The following RAB8A variants were observed in gnomAD, a reference collection of about 807,000 sequenced individuals.
RAB8A encodes ras-related protein Rab-8A.
RAB8A carries 5 observed loss-of-function variants against 29.2 expected under a neutral mutation model. The observed-to-expected ratio is 0.17, with a 90% confidence interval of 0.09 to 0.36. RAB8A has a LOEUF of 0.36. Ranked by LOEUF, RAB8A falls within the 10% of genes least tolerant of loss-of-function variation. The pLI is 1.00. For missense variants in RAB8A, 171 were observed against 272.2 expected, an observed-to-expected ratio of 0.63 and a Z score of 2.62; for synonymous variants, 108 against 99.9, an observed-to-expected ratio of 1.08 and a Z score of -0.49.
At chr19:16,119,227 C>A (rs944137316) in intron 2 of RAB8A, among the ~76,000 whole-genome samples, 1 of 151,848 alleles carries the variant, frequency 6.6e-6, no homozygotes. Flanking sequence ...TTTTTTGAGA[C>A]GGAGTTTCGC....
chr19:16,130,152 G>GC (rs965322919), intron 7 of RAB8A, among the ~76,000 whole-genome samples: 166 of 134,554 alleles, frequency 1.2e-3, no homozygotes, highest in African/African-American at 4.2e-3. Context: ...TTCGTTTCTT[G>GC]CTTTTTTTTT....
chr19:16,129,460 C>A, intron 6 of RAB8A, 94 bp from the exon 7 acceptor site: 2 of 1,271,582 alleles, frequency 1.6e-6, no homozygotes, highest in Non-Finnish European at 2.3e-6. Context: ...GAGGCCCACG[C>A]CTGGGAAGCT....
At chr19:16,131,915 C>CTGT (rs2090926389) in intron 7 of RAB8A, among the ~76,000 whole-genome samples, 1 of 143,372 alleles carries the variant, frequency 7.0e-6, no homozygotes, top group Non-Finnish European at 1.5e-5. Flanking sequence ...TGGAAGGGGA[C>CTGT]AGCTGGACGG....
chr19:16,120,508 A>G (rs1400334768), intron 2 of RAB8A, among the ~76,000 whole-genome samples: 2 of 149,962 alleles, frequency 1.3e-5, no homozygotes, highest in African/African-American at 4.9e-5. Flanking sequence ...ACAGGGTTTC[A>G]CCATGTTGGT....
intron 2 of RAB8A, among the ~76,000 whole-genome samples, chr19:16,118,615 G>T (rs1381822261): frequency 1.3e-5 from 2 of 152,208 alleles, no homozygotes; most frequent in Admixed American, 1.3e-4. Flanking sequence ...CCCTCTCAGT[G>T]CCAGGTGCTG....
chr19:16,119,348 G>A (rs991252298), intron 2 of RAB8A, among the ~76,000 whole-genome samples: 1 of 152,102 alleles, frequency 6.6e-6, no homozygotes, highest in African/African-American at 2.4e-5. Context: ...TGGTATTACA[G>A]GCATGCACCA....
intron 7 of RAB8A, among the ~76,000 whole-genome samples, chr19:16,131,841 G>C (rs1568322834): frequency 1.4e-5 from 2 of 145,348 alleles, no homozygotes; most frequent in Non-Finnish European, 3.0e-5. Flanking sequence ...TGGTTGAAAG[G>C]GTATAGATGG....
chr19:16,125,396 T>C lies in RAB8A; in HGVS notation c.247-74T>C. Reference sequence around the variant, plus strand: ...TGGGTGCTGGGCTCCCCACCACTGTTCTCTGGTGCCGCTGAGGCCTCCCTT... The same window carrying C: ...TGGGTGCTGGGCTCCCCACCACTGTCCTCTGGTGCCGCTGAGGCCTCCCTT... On this transcript the variant is annotated intron_variant, in intron 3 of 7. Coordinates refer to ENST00000300935, the MANE Select transcript of RAB8A (RefSeq NM_005370.5). This position sits in a 1 kb window ranked among gnomAD's most constrained non-coding sequence, Gnocchi z 5.0. 2 of 1,338,672 alleles carry C rather than the reference T, an allele frequency of 1.5e-6. No homozygotes were observed. Among genetic ancestry groups the C allele is most frequent in the East Asian group, 4.8e-5 (2 of 41,812 alleles). The allele number at this position is 1,338,672 out of a possible 1,614,324, so 82.9% of individuals were successfully genotyped here. A position where few individuals can be genotyped will look rare whatever the true frequency, so the allele number is the denominator to read the frequency against.
rs765205828 is a variant in RAB8A, at chr19:16,128,035, G to A, written c.424G>A (p.Asp142Asn). The A allele has an allele frequency of 2.5e-6, 4 of 1,614,138 alleles. No homozygotes were observed. The highest frequency in any genetic ancestry group is 1.7e-6 in the Non-Finnish European group (2 of 1,180,022). ...CCTCCCTCTCTCACAGCTGGCCCTC[G>A]ACTATGGAATCAAGTTCATGGAGAC... ...SKERGEKLAL[D>N]YGIKFMETSA... is the part of the protein sequence containing the mutation. The change falls in exon 6 of 8, where the codon GAC becomes AAC. Residue 142 changes from aspartate to asparagine, a missense_variant. Around this residue, in one of 3 missense-constraint regions of RAB8A, gnomAD observed 145 missense variants for 212.8 expected, o/e 0.68. Transcript: ENST00000300935.
chr19:16,112,073 C>A, intron 1 of RAB8A, 48 bp downstream of exon 1: 1 of 1,605,092 alleles, frequency 6.2e-7, no homozygotes, highest in Non-Finnish European at 8.5e-7. Flanking sequence ...CCGGGCTGGG[C>A]GCGCCCCTGA....
At position 16,127,819 on chromosome 19, in the gene RAB8A, C is replaced by T; in HGVS notation, c.415-207C>T. 1 of 636,124 alleles carries T rather than the reference C, an allele frequency of 1.6e-6. No homozygotes were observed. The highest frequency in any genetic ancestry group is 1.8e-5 in the African/African-American group (1 of 55,516). 39.4% of individuals were successfully genotyped at this position (636,124 alleles called of 1,614,324 possible). On this transcript the variant is annotated intron_variant, in intron 5 of 7. Transcript: ENST00000300935. This position sits in a 1 kb window ranked among gnomAD's most constrained non-coding sequence, Gnocchi z 4.8. ...CCCCGCCACCCTCCCATCTCAGCTG[C>T]CATCCCCAGCAACTCCATGCCCTGT... is the stretch of plus-strand genomic sequence containing the variant.
rs933190039 is a variant in RAB8A at position 16,122,939 on chromosome 19, G to C, written c.246+1129G>C. Among the ~76,000 whole-genome samples the C allele has an allele frequency of 2.0e-5, 3 of 152,112 alleles. No individual in the cohort carries two copies. Among genetic ancestry groups the C allele is most frequent in the African/African-American group, 4.8e-5 (2 of 41,420 alleles). On this transcript the variant is annotated intron_variant, in intron 3 of 7. Coordinates refer to ENST00000300935, the MANE Select transcript of RAB8A (RefSeq NM_005370.5). This position sits in a 1 kb window ranked among gnomAD's most constrained non-coding sequence, Gnocchi z 4.7. Reference sequence around the variant, plus strand: ...CCTCTGGAGAAAACTGTGACCTGGGGCCTGTCCCGATCTTCTCTGGGCCCA... The same window carrying C: ...CCTCTGGAGAAAACTGTGACCTGGGCCCTGTCCCGATCTTCTCTGGGCCCA...
Position 16,125,945 on chromosome 19 carries a change from A to AG in RAB8A, c.324+399dup. On this transcript the variant is annotated intron_variant, in intron 4 of 7. Transcript: ENST00000300935. The surrounding 1 kb of genome is among the most constrained non-coding windows in gnomAD (Gnocchi z 5.0). ...TCAGTTGTACTTTGAGCTATATCGGAGCAGGGTGTGACCTGGTACAAACGA... is the reference window on the plus strand; with the variant it reads ...TCAGTTGTACTTTGAGCTATATCGGAGGCAGGGTGTGACCTGGTACAAACGA... The AG allele has an allele frequency of 2.9e-6, 1 of 348,912 alleles. No individual in the cohort carries two copies. The highest frequency in any genetic ancestry group is 5.7e-6 in the Non-Finnish European group (1 of 175,972). The allele number at this position is 348,912 out of a possible 1,614,324, so 21.6% of individuals were successfully genotyped here. A position where few individuals can be genotyped will look rare whatever the true frequency, so the allele number is the denominator to read the frequency against.
In RAB8A at chr19:16,132,313, G is replaced by T; in HGVS notation, c.*9G>T. ...GATGTGTTCTTCTGTGAGGAACACC[G>T]CCTTACTCTGAGCCTCGCTCAGCCC... On this transcript the variant is annotated 3_prime_UTR_variant, in exon 8 of 8. Transcript: ENST00000300935. The surrounding 1 kb of genome is among the most constrained non-coding windows in gnomAD (Gnocchi z 5.6). 6.2e-7 allele frequency: 1 copy of T among 1,612,848 alleles called. No homozygotes were observed. The highest frequency in any genetic ancestry group is 1.1e-5 in the South Asian group (1 of 90,966).
rs573225536 is a variant in RAB8A, at chr19:16,125,313, G to T, written c.247-157G>T. ...CCACAGGGATGGAGAGGAGGGGGCT[G>T]GCTTCCGGGGCTCCACAGAGGTGGG... On this transcript the variant is annotated intron_variant, in intron 3 of 7. Transcript: ENST00000300935. The surrounding 1 kb of genome is among the most constrained non-coding windows in gnomAD (Gnocchi z 5.0). 8.7e-5 allele frequency: 57 copies of T among 651,554 alleles called. No individual in the cohort carries two copies. Among genetic ancestry groups the T allele is most frequent in the African/African-American group, 7.0e-4 (39 of 55,540 alleles). The allele number at this position is 651,554 out of a possible 1,614,324, so 40.4% of individuals were successfully genotyped here.
At chr19:16,130,843 A>G (rs1032185104) in intron 7 of RAB8A, among the ~76,000 whole-genome samples, 2 of 141,582 alleles carry the variant, frequency 1.4e-5, no homozygotes, top group Non-Finnish European at 3.1e-5. Context: ...TTTTTTTTTG[A>G]GAAGGAGTCT....
At position 16,132,908 on chromosome 19, in the gene RAB8A, A is replaced by G; in HGVS notation, c.*604A>G. 1 of 154,048 alleles carries G rather than the reference A, an allele frequency of 6.5e-6. No homozygotes were observed. Among genetic ancestry groups the G allele is most frequent in the Non-Finnish European group, 1.4e-5 (1 of 69,008 alleles). 9.5% of individuals were successfully genotyped at this position (154,048 alleles called of 1,614,324 possible). On this transcript the variant is annotated 3_prime_UTR_variant, in exon 8 of 8. Coordinates refer to ENST00000300935, the MANE Select transcript of RAB8A (RefSeq NM_005370.5). This position sits in a 1 kb window ranked among gnomAD's most constrained non-coding sequence, Gnocchi z 5.6. ...GTTAAACCAAAGGAAAGCACAAATG[A>G]AGGAAATCCTGTGTAAAGCATTGAG...
intron 1 of RAB8A, among the ~76,000 whole-genome samples, chr19:16,114,939 A>C (rs2090840188): frequency 6.6e-6 from 1 of 152,008 alleles, no homozygotes; most frequent in Non-Finnish European, 1.5e-5. Context: ...TCCTAATTAA[A>C]TTTGGCATGT....
At position 16,133,518 on chromosome 19, in the gene RAB8A, A is replaced by G. The variant is rs923045266; in HGVS notation, c.*1214A>G. 2.0e-5 allele frequency: 3 copies of G among 151,352 alleles called. No homozygotes were observed. The highest frequency in any genetic ancestry group is 4.4e-5 in the Non-Finnish European group (3 of 67,892). The allele number at this position is 151,352 out of a possible 1,614,324, so 9.4% of individuals were successfully genotyped here. A position where few individuals can be genotyped will look rare whatever the true frequency, so the allele number is the denominator to read the frequency against. On this transcript the variant is annotated 3_prime_UTR_variant, in exon 8 of 8. Transcript: ENST00000300935. ...CCATTGGCATCATCGTTTCTTTTGA[A>G]TTAAAACCAACATATCAGCAATAGT...
Sources: allele counts gnomAD v4.1 joint callset (sites outside exome capture counted in the v4.1 genomes callset), GRCh38; gene constraint gnomAD v4.1.1; regional missense constraint gnomAD v4.1.1; non-coding constraint Gnocchi (gnomAD v3.1); transcripts MANE v1.5; gene names NCBI Gene and HGNC (gene_info 2026-07-23, HGNC 2026-07-21).